CPPED1: variants seen among roughly 807,000 people sequenced by gnomAD.
CPPED1 encodes calcineurin like phosphoesterase domain containing 1.
A neutral mutation model predicts 28.0 loss-of-function variants in CPPED1; 28 were observed. That is an observed-to-expected ratio of 1.00 (90% confidence interval 0.74 to 1.37). CPPED1 has a LOEUF of 1.37. Ranked by LOEUF, CPPED1 falls within the 40% of genes most tolerant of loss-of-function variation. The probability of loss-of-function intolerance (pLI) is 0.00; values close to 1 mark genes in which losing one functional copy is unlikely to be tolerated. For missense variants in CPPED1, 504 were observed against 416.5 expected (o/e 1.21, Z -1.83); for synonymous variants, 198 against 180.2 (o/e 1.10, Z -0.79).
intron 2 of CPPED1, among the ~76,000 whole-genome samples, chr16:12,740,169 G>A (rs995300825): frequency 2.8e-4 from 42 of 152,246 alleles, no homozygotes; most frequent in African/African-American, 8.7e-4. Flanking sequence ...TTTTTAGGCC[G>A]GGCGCAGTGG....
intron 2 of CPPED1, among the ~76,000 whole-genome samples, chr16:12,739,353 G>A (rs1331538321): frequency 6.6e-6 from 1 of 152,160 alleles, no homozygotes; most frequent in East Asian, 1.9e-4. Flanking sequence ...GCTGAGGCGG[G>A]TGGATCACCT....
In CPPED1 at chr16:12,670,954, G is replaced by A. The variant is rs554406370; in HGVS notation, c.716-5839C>T. Among the ~76,000 whole-genome samples, 1 of 152,228 alleles carries A rather than the reference G, an allele frequency of 6.6e-6. No individual in the cohort carries two copies. Among genetic ancestry groups the A allele is most frequent in the South Asian group, 2.1e-4 (1 of 4,824 alleles). On this transcript the variant is annotated intron_variant, in intron 3 of 3. Coordinates refer to ENST00000381774, the MANE Select transcript of CPPED1 (RefSeq NM_018340.3). The surrounding 1 kb of genome is among the most constrained non-coding windows in gnomAD (Gnocchi z 4.2). The stretch of plus-strand genomic sequence containing the variant: ...CAAACTCCGCCTCCCGGGTTCAAGT[G>A]ATTCTCCTGCCTCAGCCTCCTGAGT...
At chr16:12,700,502 T>C (rs2080014738) in intron 3 of CPPED1, among the ~76,000 whole-genome samples, 2 of 152,240 alleles carry the variant, frequency 1.3e-5, no homozygotes. Flanking sequence ...GCAATTCTCC[T>C]GCCTCAGCCT....
At chr16:12,746,691 T>C (rs1567294009) in intron 2 of CPPED1, among the ~76,000 whole-genome samples, 1 of 152,118 alleles carries the variant, frequency 6.6e-6, no homozygotes, top group Non-Finnish European at 1.5e-5. Context: ...CGACAGCATA[T>C]GGCAGGGTTT....
chr16:12,693,304 C>A (rs112601503), intron 3 of CPPED1, among the ~76,000 whole-genome samples: 2,336 of 152,208 alleles, frequency 0.015, 54 homozygotes, highest in African/African-American at 0.052. Context: ...CAGGCTCAGG[C>A]GATCCTCCCA....
intron 2 of CPPED1, among the ~76,000 whole-genome samples, chr16:12,779,747 G>A (rs1445537958): frequency 6.6e-6 from 1 of 151,916 alleles, no homozygotes; most frequent in Non-Finnish European, 1.5e-5. Flanking sequence ...ACCATGAGGA[G>A]GAACTGATAC....
intron 3 of CPPED1, among the ~76,000 whole-genome samples, chr16:12,694,783 CT>C (rs968979795): frequency 6.5e-4 from 91 of 140,080 alleles, no homozygotes; most frequent in Non-Finnish European, 2.2e-4. Flanking sequence ...AAACCCCCCC[CT>C]TTTTTTTTTT....
rs190176690 is a variant in CPPED1 at position 12,664,104 on chromosome 16, A to C, written c.*782T>G. 5.7e-4 allele frequency: 87 copies of C among 152,338 alleles called. No homozygotes were observed. Among genetic ancestry groups the C allele is most frequent in the Non-Finnish European group, 1.0e-3 (71 of 68,076 alleles). The allele number at this position is 152,338 out of a possible 1,614,324, so 9.4% of individuals were successfully genotyped here. A position where few individuals can be genotyped will look rare whatever the true frequency, so the allele number is the denominator to read the frequency against. On this transcript the variant is annotated 3_prime_UTR_variant, in exon 4 of 4. Transcript: ENST00000381774. This position sits in a 1 kb window ranked among gnomAD's most constrained non-coding sequence, Gnocchi z 4.2. ...ATCCCAAGAGACCACCCATCTGTGG[A>C]GTGGCTACACAGCCAGAATGTGGAT... is the stretch of plus-strand genomic sequence containing the variant.
At chr16:12,743,575 T>C (rs1006237057) in intron 2 of CPPED1, among the ~76,000 whole-genome samples, 3 of 152,212 alleles carry the variant, frequency 2.0e-5, no homozygotes, top group Admixed American at 6.5e-5. Context: ...CTGATATAAG[T>C]TGATAAGGGA....
chr16:12,729,239 A>G (rs2080185314), intron 2 of CPPED1, among the ~76,000 whole-genome samples: 1 of 152,128 alleles, frequency 6.6e-6, no homozygotes, highest in African/African-American at 2.4e-5. Context: ...CCTAACCAAA[A>G]TAGTGAAGAT....
chr16:12,726,736 G>C (rs1292571274), intron 2 of CPPED1, among the ~76,000 whole-genome samples: 1 of 152,076 alleles, frequency 6.6e-6, no homozygotes, highest in Non-Finnish European at 1.5e-5. Flanking sequence ...TTGAACGCAG[G>C]ATGTTGAGGC....
chr16:12,721,035 G>A (rs2080137310), intron 2 of CPPED1, among the ~76,000 whole-genome samples: 1 of 152,160 alleles, frequency 6.6e-6, no homozygotes, highest in Non-Finnish European at 1.5e-5. Context: ...TGGCCACAAA[G>A]CTTTTCTTAG....
At chr16:12,796,500 A>T (rs1596489124) in intron 1 of CPPED1, among the ~76,000 whole-genome samples, 1 of 152,136 alleles carries the variant, frequency 6.6e-6, no homozygotes, top group Non-Finnish European at 1.5e-5. Flanking sequence ...GTCTCAAAAA[A>T]ACAACAAAAA....
chr16:12,722,330 T>C (rs1468036597), intron 2 of CPPED1, among the ~76,000 whole-genome samples: 1 of 152,196 alleles, frequency 6.6e-6, no homozygotes, highest in Admixed American at 6.5e-5. Flanking sequence ...GCCGAGCAGT[T>C]AGTTGCAAAC....
intron 2 of CPPED1, among the ~76,000 whole-genome samples, chr16:12,763,426 A>G (rs2080421473): frequency 6.6e-6 from 1 of 152,158 alleles, no homozygotes; most frequent in Non-Finnish European, 1.5e-5. Context: ...CTCAGCAAAT[A>G]CACAAAAGAC....
At position 12,715,362 on chromosome 16, in the gene CPPED1, C is replaced by T. The variant is rs1241647205; in HGVS notation, c.290-10313G>A. Among the ~76,000 whole-genome samples, 5 of 152,106 alleles carry T rather than the reference C, an allele frequency of 3.3e-5. No homozygotes were observed. In the East Asian group the frequency reaches 9.6e-4, roughly 29 times the overall value. Reference sequence around the variant, plus strand: ...ATAAGATCAAGGTCCAACACTTAAGCAGCTTATAGCTTTTAGGCTGGGTGT... The same window carrying T: ...ATAAGATCAAGGTCCAACACTTAAGTAGCTTATAGCTTTTAGGCTGGGTGT... On this transcript the variant is annotated intron_variant, in intron 2 of 3. Coordinates refer to ENST00000381774, the MANE Select transcript of CPPED1 (RefSeq NM_018340.3).
chr16:12,710,552 C>G (rs1050166664), intron 2 of CPPED1, among the ~76,000 whole-genome samples: 3 of 151,286 alleles, frequency 2.0e-5, no homozygotes, highest in African/African-American at 7.3e-5. Context: ...GAAAAAAGTG[C>G]AAACCACAGA....
At chr16:12,671,188 C>T (rs921627885) in intron 3 of CPPED1, among the ~76,000 whole-genome samples, 2 of 152,112 alleles carry the variant, frequency 1.3e-5, no homozygotes, top group African/African-American at 4.8e-5. Context: ...GTACCATTTT[C>T]CCCATTCATT....
intron 2 of CPPED1, among the ~76,000 whole-genome samples, chr16:12,764,887 G>A (rs1326340634): frequency 1.3e-5 from 2 of 152,128 alleles, no homozygotes; most frequent in Non-Finnish European, 2.9e-5. Context: ...AGATCCCCTC[G>A]GTTCCCATCA....
Sources: gnomAD v4.1 joint callset for allele counts (sites outside exome capture counted in the v4.1 genomes callset) on GRCh38, gnomAD v4.1.1 for gene constraint, Gnocchi (gnomAD v3.1) non-coding constraint, MANE v1.5 for transcripts, NCBI Gene and HGNC (gene_info 2026-07-23, HGNC 2026-07-21) for gene names.